The following GRM4 variants were observed in gnomAD, a reference collection of about 807,000 sequenced individuals.
GRM4 encodes the protein metabotropic glutamate receptor 4.
A neutral mutation model predicts 81.7 loss-of-function variants in GRM4; 28 were observed. The observed-to-expected ratio is 0.34, with a 90% confidence interval of 0.25 to 0.47. The LOEUF is 0.47. GRM4 is among the 20% of genes least tolerant of loss of function. The pLI is 1.00. For missense variants in GRM4, 948 were observed against 1,290.0 expected (o/e 0.73, Z 4.06); for synonymous variants, 488 against 528.8 (o/e 0.92, Z 1.06).
In GRM4 at chr6:34,069,647, AGTGTGTGTGTGTGTGTGTGTGTGT is replaced by A. The variant is rs3222082; in HGVS notation, c.737-7643_737-7620del. 0.18 allele frequency among the ~76,000 whole-genome samples: 26,528 copies of A among 144,444 alleles called. 3,344 individuals carry two copies. The highest frequency in any genetic ancestry group is 0.34 in the African/African-American group (13,877 of 40,462). 94.8% of individuals were successfully genotyped at this position (144,444 alleles called of 152,430 possible). On this transcript the variant is annotated intron_variant, in intron 3 of 10. Coordinates refer to ENST00000538487, the MANE Select transcript of GRM4 (RefSeq NM_000841.4). The surrounding 1 kb of genome is among the most constrained non-coding windows in gnomAD (Gnocchi z 6.4). The stretch of plus-strand genomic sequence containing the variant: ...GGCTTTACAACCCTTGGCAGCCCCC[AGTGTGTGTGTGTGTGTGTGTGTGT>A]GTGTGTGTGTGTGTGTGACCCTGAG...
intron 6 of GRM4, among the ~76,000 whole-genome samples, chr6:34,051,574 T>C (rs1469047134): frequency 1.3e-5 from 2 of 152,282 alleles, no homozygotes; most frequent in Admixed American, 6.5e-5. Flanking sequence ...AAAAGACGGA[T>C]GCCACATCTG....
rs1769826810 is a variant in GRM4, at chr6:34,121,941, G to A, written c.519+11037C>T. Among the ~76,000 whole-genome samples the A allele has an allele frequency of 6.6e-6, 1 of 151,872 alleles. No homozygotes were observed. Among genetic ancestry groups the A allele is most frequent in the South Asian group, 2.1e-4 (1 of 4,812 alleles). On this transcript the variant is annotated intron_variant, in intron 2 of 10. Coordinates refer to ENST00000538487, the MANE Select transcript of GRM4 (RefSeq NM_000841.4). This position sits in a 1 kb window ranked among gnomAD's most constrained non-coding sequence, Gnocchi z 4.6. The stretch of plus-strand genomic sequence containing the variant: ...CAGTGCCAAGACTTGTGGTGGGATT[G>A]AGGGGCACCCTGAGTCGGAGGGAGG...
intron 9 of GRM4, among the ~76,000 whole-genome samples, chr6:34,031,461 T>C (rs73747204): frequency 0.053 from 8,002 of 152,178 alleles, 628 homozygotes; most frequent in African/African-American, 0.17. Context: ...ATTTCCTGCT[T>C]TCGTGCTAGG....
intron 2 of GRM4, among the ~76,000 whole-genome samples, chr6:34,123,263 C>T (rs1769887165): frequency 6.6e-6 from 1 of 152,180 alleles, no homozygotes; most frequent in Non-Finnish European, 1.5e-5. Flanking sequence ...GGCCAGAGGA[C>T]CCCAGGTCAG....
intron 3 of GRM4, chr6:34,063,704 G>A (rs1028821768): frequency 1.3e-5 from 2 of 152,288 alleles, no homozygotes; most frequent in African/African-American, 2.4e-5. Context: ...GTCAGTCTGG[G>A]GTCACAGAGG....
rs1432638793 is a variant in GRM4, at chr6:34,021,389, C to T, written c.*1432G>A. 6.6e-6 allele frequency: 1 copy of T among 151,914 alleles called. No homozygotes were observed. The highest frequency in any genetic ancestry group is 1.5e-5 in the Non-Finnish European group (1 of 68,024). The allele number at this position is 151,914 out of a possible 1,614,324, so 9.4% of individuals were successfully genotyped here. On this transcript the variant is annotated 3_prime_UTR_variant, in exon 11 of 11. Coordinates refer to ENST00000538487, the MANE Select transcript of GRM4 (RefSeq NM_000841.4). The surrounding 1 kb of genome is among the most constrained non-coding windows in gnomAD (Gnocchi z 5.3). The stretch of plus-strand genomic sequence containing the variant: ...TCTTAGCACCCGAGCCTGGAGCCAA[C>T]ACAAGCAGGAGGGGACGGCTATGAG...
chr6:34,102,275 C>T (rs983585314), intron 2 of GRM4: 5 of 775,410 alleles, frequency 6.4e-6, no homozygotes, highest in Admixed American at 5.0e-5. Flanking sequence ...CAGCTCAGAG[C>T]AGTCTGTCAG....
chr6:34,152,268 G>A lies in GRM4; in HGVS notation c.312+2811C>T, dbSNP rs1355909782. ...GACCTCCCACCGGCAGAGCCTGGAG[G>A]AGCCCGCATCCCACTCAGGCCACCT... On this transcript the variant is annotated intron_variant, in intron 1 of 8. Coordinates refer to the GRM4 transcript ENST00000374177. The surrounding 1 kb of genome is among the most constrained non-coding windows in gnomAD (Gnocchi z 4.1). Among the ~76,000 whole-genome samples the A allele has an allele frequency of 6.6e-6, 1 of 152,196 alleles. No individual in the cohort carries two copies. Among genetic ancestry groups the A allele is most frequent in the African/African-American group, 2.4e-5 (1 of 41,456 alleles).
intron 2 of GRM4, among the ~76,000 whole-genome samples, chr6:34,127,319 G>C (rs1194907461): frequency 6.6e-6 from 1 of 152,220 alleles, no homozygotes; most frequent in African/African-American, 2.4e-5. Context: ...CAAAGAGTGG[G>C]AAGAGAAGAC....
chr6:34,055,725 G>A (rs1016544376), intron 6 of GRM4: 6 of 152,262 alleles, frequency 3.9e-5, no homozygotes, highest in Admixed American at 2.6e-4. Context: ...TACCTAGGGG[G>A]CGGGGGCCCT....
intron 1 of GRM4, among the ~76,000 whole-genome samples, chr6:34,144,103 C>T (rs543944354): frequency 7.9e-4 from 121 of 152,340 alleles, no homozygotes; most frequent in Non-Finnish European, 1.4e-3. Context: ...CCGACAGGGA[C>T]TGAAAGTCTG....
chr6:34,113,948 T>A (rs1251238334), intron 2 of GRM4, among the ~76,000 whole-genome samples: 1 of 152,074 alleles, frequency 6.6e-6, no homozygotes, highest in African/African-American at 2.4e-5. Context: ...GCAACCCCCT[T>A]GCTCCTCAGA....
intron 2 of GRM4, among the ~76,000 whole-genome samples, chr6:34,095,930 G>T (rs553696142): frequency 6.6e-6 from 1 of 152,316 alleles, no homozygotes; most frequent in South Asian, 2.1e-4. Flanking sequence ...GGGCTCTGAC[G>T]TCTCTTCAAC....
At position 34,021,184 on chromosome 6, in the gene GRM4, CCAAA is replaced by C. The variant is rs1763859283; in HGVS notation, c.*1633_*1636del. On this transcript the variant is annotated 3_prime_UTR_variant, in exon 11 of 11. Transcript: ENST00000538487. This position sits in a 1 kb window ranked among gnomAD's most constrained non-coding sequence, Gnocchi z 5.3. ...AGGCATCTGCATGAGCCACCGGGGCCCAAACAGATGATCAGACACGCAAACAAGA... is the reference window on the plus strand; with the variant it reads ...AGGCATCTGCATGAGCCACCGGGGCCCAGATGATCAGACACGCAAACAAGA... 6.6e-6 allele frequency: 1 copy of C among 152,424 alleles called. No individual in the cohort carries two copies. The highest frequency in any genetic ancestry group is 2.4e-5 in the African/African-American group (1 of 41,590). 9.4% of individuals were successfully genotyped at this position (152,424 alleles called of 1,614,324 possible).
At chr6:34,155,455 G>A (rs1389872156) in exon 1 of GRM4, 3 of 1,030,040 alleles carry the variant, frequency 2.9e-6, no homozygotes, top group Non-Finnish European at 2.7e-6. Context: ...CAACCTCGAC[G>A]CACATTGGAG....
Position 34,136,934 on chromosome 6 carries a change from GTGGGGTGGGT to G in GRM4, c.-363-3085_-363-3076del, listed in dbSNP as rs1211462304. Reference sequence around the variant, plus strand: ...CCACTGAGAGCAGAGGCAGGGTGTGGTGGGGTGGGTTGGGGTGGGGGCCAGGCGGATGCTC... The same window carrying G: ...CCACTGAGAGCAGAGGCAGGGTGTGGTGGGGTGGGGGCCAGGCGGATGCTC... On this transcript the variant is annotated intron_variant, in intron 1 of 10. Coordinates refer to ENST00000538487, the MANE Select transcript of GRM4 (RefSeq NM_000841.4). This position sits in a 1 kb window ranked among gnomAD's most constrained non-coding sequence, Gnocchi z 4.1. 1.3e-5 allele frequency among the ~76,000 whole-genome samples: 2 copies of G among 151,938 alleles called. No homozygotes were observed. Among genetic ancestry groups the G allele is most frequent in the African/African-American group, 4.8e-5 (2 of 41,382 alleles).
chr6:34,049,354 G>A (rs1359006427), intron 6 of GRM4, among the ~76,000 whole-genome samples: 5 of 151,986 alleles, frequency 3.3e-5, no homozygotes, highest in Non-Finnish European at 5.9e-5. Flanking sequence ...GGGACACCAC[G>A]CTCTGGGCCC....
Position 34,035,756 on chromosome 6 carries a change from T to C in GRM4, c.2354A>G (p.Lys785Arg). 1 of 1,613,016 alleles carries C rather than the reference T, an allele frequency of 6.2e-7. No homozygotes were observed. Among genetic ancestry groups the C allele is most frequent in the Non-Finnish European group, 8.5e-7 (1 of 1,179,130 alleles). The change falls in exon 9 of 11, where the codon AAG (lysine) becomes AGG (arginine). Residue 785 changes from lysine (K) to arginine (R), a missense_variant. Physicochemically the swap from Lys to Arg is conservative, Grantham distance 26. Coordinates refer to ENST00000538487, the MANE Select transcript of GRM4 (RefSeq NM_000841.4). The surrounding 1 kb of genome is among the most constrained non-coding windows in gnomAD (Gnocchi z 6.6). The part of the protein sequence containing the change: ...RGVPETFNEA[K>R]PIGFTMYTTC... ...GGTGTACATGGTGAAGCCAATGGGC[T>C]TGGCCTCATTGAAGGTCTCGGGCAC... is the stretch of plus-strand genomic sequence containing the variant.
chr6:34,134,596 C>T (rs539687315), intron 1 of GRM4, among the ~76,000 whole-genome samples: 57 of 152,196 alleles, frequency 3.7e-4, no homozygotes, highest in African/African-American at 1.1e-3. Flanking sequence ...TACACAGCTA[C>T]CCCAGGCAGA....
Sources: allele counts gnomAD v4.1 joint callset (sites outside exome capture counted in the v4.1 genomes callset), GRCh38; gene constraint gnomAD v4.1.1; non-coding constraint Gnocchi (gnomAD v3.1); transcripts MANE v1.5; gene names NCBI Gene and HGNC (gene_info 2026-07-23, HGNC 2026-07-21).